The following MSRA variants were observed in gnomAD, a reference collection of about 807,000 sequenced individuals.
MSRA encodes mitochondrial peptide methionine sulfoxide reductase.
In MSRA, 54 loss-of-function variants were observed where a neutral mutation model predicts 31.3. The observed-to-expected ratio is 1.73, with a 90% CI of 1.39 to 2.17. The LOEUF (loss-of-function observed/expected upper bound fraction) is 2.17. MSRA is among the 30% of genes most tolerant of loss of function. The pLI is 0.00. For synonymous variants in MSRA, 169 were observed against 116.5 expected, an observed-to-expected ratio of 1.45 and a Z score of -2.90; for missense variants, 507 against 300.9, an observed-to-expected ratio of 1.69 and a Z score of -5.07.
intron 5 of MSRA, among the ~76,000 whole-genome samples, chr8:10,350,819 C>A (rs1485911749): frequency 6.6e-6 from 1 of 152,232 alleles, no homozygotes; most frequent in African/African-American, 2.4e-5. Flanking sequence ...TTGCGCCTTC[C>A]CTCTTCCAGT....
chr8:10,061,744 C>G (rs1235711353), intron 1 of MSRA, among the ~76,000 whole-genome samples: 1 of 152,172 alleles, frequency 6.6e-6, no homozygotes, highest in African/African-American at 2.4e-5. Context: ...GCCCCATTGT[C>G]CATGGGGCAT....
At chr8:10,276,657 G>A (rs1009507303) in intron 3 of MSRA, among the ~76,000 whole-genome samples, 4 of 152,224 alleles carry the variant, frequency 2.6e-5, no homozygotes, top group Non-Finnish European at 5.9e-5. Context: ...GTGTCTGCAA[G>A]ACAACAGAAA....
chr8:10,397,802 GT>G (rs1563434617), intron 5 of MSRA, among the ~76,000 whole-genome samples: 1 of 152,154 alleles, frequency 6.6e-6, no homozygotes, highest in African/African-American at 2.4e-5. Flanking sequence ...AGAACATTCT[GT>G]TTTCTCATAG....
chr8:10,342,385 G>T (rs941976157), intron 5 of MSRA, among the ~76,000 whole-genome samples: 1 of 152,208 alleles, frequency 6.6e-6, no homozygotes, highest in Admixed American at 6.5e-5. Flanking sequence ...ATCACACTCC[G>T]TGTAGCTTCC....
At chr8:10,199,060 A>G (rs1457271221) in intron 1 of MSRA, among the ~76,000 whole-genome samples, 1 of 152,182 alleles carries the variant, frequency 6.6e-6, no homozygotes, top group East Asian at 1.9e-4. Context: ...ATTTATCTGC[A>G]TAATATCAGT....
At chr8:10,087,297 T>C (rs930400453) in intron 1 of MSRA, among the ~76,000 whole-genome samples, 2 of 151,880 alleles carry the variant, frequency 1.3e-5, no homozygotes, top group Non-Finnish European at 2.9e-5. Context: ...TGGGAGAGCA[T>C]GTCTGTGCTT....
intron 2 of MSRA, among the ~76,000 whole-genome samples, chr8:10,228,839 C>G (rs763655660): frequency 2.8e-4 from 42 of 152,132 alleles, no homozygotes; most frequent in Non-Finnish European, 5.9e-4. Flanking sequence ...TGGCTCACAG[C>G]AGGCATTTGG....
chr8:10,143,456 A>G (rs1484645), intron 1 of MSRA, among the ~76,000 whole-genome samples: 31,157 of 152,106 alleles, frequency 0.2, 4,313 homozygotes, highest in East Asian at 0.56. Flanking sequence ...TTAGTGTCGC[A>G]GCGATTGTTA....
intron 3 of MSRA, among the ~76,000 whole-genome samples, chr8:10,297,593 C>A (rs968872463): frequency 2.6e-4 from 39 of 152,060 alleles, no homozygotes; most frequent in Admixed American, 1.5e-3. Context: ...GTTCTGAGTC[C>A]CTTAATCCTT....
intron 1 of MSRA, among the ~76,000 whole-genome samples, chr8:10,074,282 C>T (rs1030692452): frequency 5.9e-5 from 9 of 151,764 alleles, no homozygotes; most frequent in Non-Finnish European, 1.2e-4. Flanking sequence ...TGGGGTTTCA[C>T]CGTGTTAGCC....
At chr8:10,304,034 C>T (rs963186598) in intron 4 of MSRA, among the ~76,000 whole-genome samples, 1 of 152,234 alleles carries the variant, frequency 6.6e-6, no homozygotes, top group Non-Finnish European at 1.5e-5. Flanking sequence ...CTCCCAGGTG[C>T]AAGCAGTTCC....
Position 10,316,527 on chromosome 8 carries a change from C to CCTCTCTCTCTCTCT in MSRA, c.437-3322_437-3309dup, listed in dbSNP as rs139421344. Among the ~76,000 whole-genome samples the CCTCTCTCTCTCTCT allele has an allele frequency of 2.0e-4, 22 of 112,630 alleles. 2 individuals are homozygous for CCTCTCTCTCTCTCT. Among genetic ancestry groups the CCTCTCTCTCTCTCT allele is most frequent in the African/African-American group, 3.7e-4 (12 of 32,578 alleles). 73.9% of individuals were successfully genotyped at this position (112,630 alleles called of 152,430 possible). A position where few individuals can be genotyped will look rare whatever the true frequency, so the allele number is the denominator to read the frequency against. On this transcript the variant is annotated intron_variant, in intron 4 of 5. Transcript: ENST00000317173. ...AGGATTGTTAGCTACTTTGATGATCCCTCTCTCTCTCTCTCTCTCTCTCTC... is the reference window on the plus strand; with the variant it reads ...AGGATTGTTAGCTACTTTGATGATCCCTCTCTCTCTCTCTCTCTCTCTCTCTCTCTCTCTCTCTC...
rs1809345789 is a variant in MSRA at position 10,428,542 on chromosome 8, G to GTC, written c.*232_*233dup. 2.1e-6 allele frequency: 1 copy of GTC among 476,114 alleles called. No homozygotes were observed. 29.5% of individuals were successfully genotyped at this position (476,114 alleles called of 1,614,324 possible). A position where few individuals can be genotyped will look rare whatever the true frequency, so the allele number is the denominator to read the frequency against. On this transcript the variant is annotated 3_prime_UTR_variant, in exon 6 of 6. Coordinates refer to ENST00000317173, the MANE Select transcript of MSRA (RefSeq NM_012331.5). Reference sequence around the variant, plus strand: ...GGAGTGGAGCTGTGCAGTTTCCTGTGTCTTCTGGGGTCTGAGTGAAGATAG... The same window carrying GTC: ...GGAGTGGAGCTGTGCAGTTTCCTGTGTCTCTTCTGGGGTCTGAGTGAAGATAG...
intron 1 of MSRA, among the ~76,000 whole-genome samples, chr8:10,204,826 C>G (rs1251114073): frequency 6.6e-6 from 1 of 152,146 alleles, no homozygotes; most frequent in Non-Finnish European, 1.5e-5. Flanking sequence ...CATCAAATGC[C>G]CGTTCTGTGT....
chr8:10,212,617 T>C (rs1415278373), intron 2 of MSRA, among the ~76,000 whole-genome samples: 2 of 152,238 alleles, frequency 1.3e-5, no homozygotes, highest in Admixed American at 1.3e-4. Flanking sequence ...TAGTTTGTGA[T>C]ACTTCAATAA....
At chr8:10,379,871 AC>A (rs1322259741) in intron 5 of MSRA, among the ~76,000 whole-genome samples, 1 of 152,206 alleles carries the variant, frequency 6.6e-6, no homozygotes, top group African/African-American at 2.4e-5. Context: ...GACATAGCAA[AC>A]TATGTTCATC....
intron 3 of MSRA, among the ~76,000 whole-genome samples, chr8:10,260,150 G>A (rs182471084): frequency 6.6e-6 from 1 of 152,350 alleles, no homozygotes; most frequent in South Asian, 2.1e-4. Flanking sequence ...CAAAGAAAGG[G>A]AAGAAATGAG....
intron 5 of MSRA, among the ~76,000 whole-genome samples, chr8:10,368,128 A>G (rs779654739): frequency 4.6e-5 from 7 of 152,194 alleles, no homozygotes; most frequent in Non-Finnish European, 1.0e-4. Flanking sequence ...CATGGAAAGA[A>G]AGGGTACCTC....
chr8:10,151,045 A>G (rs1803619164), intron 1 of MSRA, among the ~76,000 whole-genome samples: 2 of 151,918 alleles, frequency 1.3e-5, no homozygotes, highest in East Asian at 1.9e-4. Flanking sequence ...AGGCATGGTG[A>G]TAATTCACAA....
Sources: gnomAD v4.1 joint callset for allele counts (sites outside exome capture counted in the v4.1 genomes callset) on GRCh38, gnomAD v4.1.1 for gene constraint, MANE v1.5 for transcripts, NCBI Gene and HGNC (gene_info 2026-07-23, HGNC 2026-07-21) for gene names.